Variants in MAPT observed in about 807,000 individuals in gnomAD.
The protein encoded by MAPT is microtubule-associated protein tau.
In MAPT, 34 loss-of-function variants were observed where a neutral mutation model predicts 67.9. The observed-to-expected ratio is 0.50, with a 90% confidence interval of 0.38 to 0.67. The LOEUF (loss-of-function observed/expected upper bound fraction) is 0.67, where lower values mean the gene tolerates loss of function less well. Ranked by LOEUF, MAPT falls within the 30% of genes least tolerant of loss-of-function variation. The probability of loss-of-function intolerance (pLI) is 0.00; values close to 1 mark genes in which losing one functional copy is unlikely to be tolerated. For synonymous variants in MAPT, 456 were observed against 464.5 expected (o/e 0.98, Z 0.23); for missense variants, 881 against 1,115.2 (o/e 0.79, Z 2.99).
chr17:45,978,635 T>C, intron 4 of MAPT, 195 bp downstream of exon 4: 1 of 589,592 alleles, frequency 1.7e-6, no homozygotes, highest in Non-Finnish European at 3.0e-6. Context: ...ATACCATTTC[T>C]GGGTAATTCC....
intron 6 of MAPT, 57 bp downstream of exon 6, chr17:45,987,152 C>T: frequency 6.7e-7 from 1 of 1,490,004 alleles, no homozygotes; most frequent in Non-Finnish European, 9.4e-7. Flanking sequence ...AGAAGCTGTG[C>T]TTTATGTCTG....
intron 1 of MAPT, among the ~76,000 whole-genome samples, chr17:45,947,275 A>C (rs2068597015): frequency 6.6e-6 from 1 of 152,040 alleles, no homozygotes; most frequent in Non-Finnish European, 1.5e-5. Context: ...CCTTCTTAGA[A>C]GCTCAAAGTT....
chr17:45,903,921 A>ATATATAATATATAT, intron 1 of MAPT, among the ~76,000 whole-genome samples: 1 of 20,608 alleles, frequency 4.9e-5, no homozygotes, highest in Non-Finnish European at 8.0e-5. Context: ...TTATATATTT[A>ATATATAATATATAT]TATATATTAT....
chr17:46,023,147 T>G (rs1189453461), intron 12 of MAPT, among the ~76,000 whole-genome samples: 2 of 152,218 alleles, frequency 1.3e-5, no homozygotes, highest in East Asian at 3.9e-4. Flanking sequence ...CACATTTTCC[T>G]TTGCAATCTG....
intron 4 of MAPT, among the ~76,000 whole-genome samples, chr17:45,981,919 G>A (rs2072990582): frequency 1.3e-5 from 2 of 151,448 alleles, no homozygotes; most frequent in African/African-American, 4.9e-5. Flanking sequence ...GCTTGGGAGG[G>A]TGAGATGGGA....
chr17:46,003,737 T>C (rs1481028952), intron 9 of MAPT, among the ~76,000 whole-genome samples: 4 of 152,148 alleles, frequency 2.6e-5, no homozygotes, highest in Non-Finnish European at 5.9e-5. Context: ...GGCTGAGATG[T>C]CAGACCCCAC....
intron 1 of MAPT, among the ~76,000 whole-genome samples, chr17:45,916,358 G>C (rs1014083295): frequency 2.0e-5 from 3 of 152,184 alleles, no homozygotes; most frequent in African/African-American, 7.2e-5. Context: ...GCCCGAGCCT[G>C]CCCCGCTGTT....
At chr17:45,930,362 G>A (rs1005752749) in intron 1 of MAPT, among the ~76,000 whole-genome samples, 3 of 149,236 alleles carry the variant, frequency 2.0e-5, no homozygotes, top group East Asian at 2.0e-4. Flanking sequence ...AGCCGAGATC[G>A]CACTACTGCA....
intron 1 of MAPT, among the ~76,000 whole-genome samples, chr17:45,930,700 C>CTCTA (rs891576325): frequency 2.0e-5 from 3 of 152,110 alleles, no homozygotes; most frequent in African/African-American, 7.2e-5. Context: ...AAGATTAGAC[C>CTCTA]CTTCATCTAT....
At chr17:46,014,955 G>C (rs1432328117) in intron 11 of MAPT, among the ~76,000 whole-genome samples, 1 of 152,124 alleles carries the variant, frequency 6.6e-6, no homozygotes, top group Non-Finnish European at 1.5e-5. Context: ...GGTTACCAGA[G>C]GCTGGGAAGG....
At chr17:45,930,324 T>C (rs1308500550) in intron 1 of MAPT, among the ~76,000 whole-genome samples, 1 of 151,816 alleles carries the variant, frequency 6.6e-6, no homozygotes, top group African/African-American at 2.4e-5. Flanking sequence ...CAAGAATCTC[T>C]TGAACCTGGG....
At position 45,897,449 on chromosome 17, in the gene MAPT, G is replaced by C. The variant is rs2063331890; in HGVS notation, c.-18+2763G>C. ...GGCAAGGCCGGGGGCGCTGTTAATGGAGGAACCTCAGGGGGACGGTCCTTC... is the reference window on the plus strand; with the variant it reads ...GGCAAGGCCGGGGGCGCTGTTAATGCAGGAACCTCAGGGGGACGGTCCTTC... On this transcript the variant is annotated intron_variant, in intron 1 of 12. Coordinates refer to ENST00000262410, the MANE Select transcript of MAPT (RefSeq NM_001377265.1). This position sits in a 1 kb window ranked among gnomAD's most constrained non-coding sequence, Gnocchi z 5.0. The C allele has an allele frequency of 6.6e-6, 1 of 152,266 alleles. No homozygotes were observed. 9.4% of individuals were successfully genotyped at this position (152,266 alleles called of 1,614,324 possible).
intron 1 of MAPT, among the ~76,000 whole-genome samples, chr17:45,940,708 C>CAGG (rs2067773629): frequency 6.6e-6 from 1 of 152,146 alleles, no homozygotes; most frequent in Non-Finnish European, 1.5e-5. Context: ...GGGCACTGAG[C>CAGG]AGGACCCATT....
intron 6 of MAPT, among the ~76,000 whole-genome samples, chr17:45,987,434 A>G (rs1338508468): frequency 6.6e-6 from 1 of 152,250 alleles, no homozygotes; most frequent in Admixed American, 6.5e-5. Context: ...AACCAGCCCT[A>G]GGACAGTAAA....
intron 6 of MAPT, among the ~76,000 whole-genome samples, chr17:45,988,311 C>A (rs1178055130): frequency 6.6e-6 from 1 of 152,250 alleles, no homozygotes; most frequent in Non-Finnish European, 1.5e-5. Context: ...GGACAGGACC[C>A]TTCTCTGAGC....
At chr17:45,955,419 C>A (rs2069525599) in intron 1 of MAPT, among the ~76,000 whole-genome samples, 1 of 152,230 alleles carries the variant, frequency 6.6e-6, no homozygotes, top group Non-Finnish European at 1.5e-5. Flanking sequence ...TTGCTCTCTA[C>A]CCATCCAATC....
chr17:45,903,896 A>ATATATATTTATATAT, intron 1 of MAPT, among the ~76,000 whole-genome samples: 1 of 29,300 alleles, frequency 3.4e-5, no homozygotes, highest in African/African-American at 1.3e-4. Flanking sequence ...TTTATATATT[A>ATATATATTTATATAT]TATATATTTA....
At chr17:45,961,184 T>C (rs2070369284) in intron 1 of MAPT, among the ~76,000 whole-genome samples, 1 of 151,810 alleles carries the variant, frequency 6.6e-6, no homozygotes, top group South Asian at 2.1e-4. Flanking sequence ...AAAAAAAAAG[T>C]TCATAAATTC....
Position 45,996,240 on chromosome 17 carries a change from C to G in MAPT, c.1733-159C>G, listed in dbSNP as rs2074457857. 6.6e-6 allele frequency among the ~76,000 whole-genome samples: 1 copy of G among 152,178 alleles called. No homozygotes were observed. Among genetic ancestry groups the G allele is most frequent in the Admixed American group, 6.5e-5 (1 of 15,282 alleles). ...AAGGCAGGGAGGAAGAGATGCTTCC[C>G]CAGGGCAGCCGTCTGCTGTAGCTGC... On this transcript the variant is annotated intron_variant, in intron 8 of 12. Coordinates refer to ENST00000262410, the MANE Select transcript of MAPT (RefSeq NM_001377265.1). The surrounding 1 kb of genome is among the most constrained non-coding windows in gnomAD (Gnocchi z 4.5).
Sources: gnomAD v4.1 joint callset for allele counts (sites outside exome capture counted in the v4.1 genomes callset) on GRCh38, gnomAD v4.1.1 for gene constraint, Gnocchi (gnomAD v3.1) non-coding constraint, MANE v1.5 for transcripts, NCBI Gene and HGNC (gene_info 2026-07-23, HGNC 2026-07-21) for gene names.